The following LYST variants were observed in gnomAD, a reference collection of about 807,000 sequenced individuals.
LYST encodes the protein lysosomal-trafficking regulator.
In LYST, 192 loss-of-function variants were observed where a neutral mutation model predicts 413.6. The ratio of observed to expected loss-of-function variants is 0.46; its 90% CI spans 0.41 to 0.52. LYST has a LOEUF of 0.52. LYST is among the 20% of genes least tolerant of loss of function. The pLI is 0.00. For missense variants in LYST, 3,815 were observed against 4,499.9 expected, an observed-to-expected ratio of 0.85 and a Z score of 4.35; for synonymous variants, 1,525 against 1,567.3, an observed-to-expected ratio of 0.97 and a Z score of 0.64.
In LYST at chr1:235,804,554, G is replaced by A. The variant is rs1005473771; in HGVS notation, c.3505C>T (p.Leu1169Phe). ...TCAAAATCTGCTGAATAATTCCCGA[G>A]GGCAACTCGAAGCAGGGCATCAAAT... ...PLFDALLRVA[L>F]GNYSADFEHN... Residue 1169 changes from leucine to phenylalanine, a missense_variant, in exon 7 of 53, where the codon CTC (leucine) becomes TTC (phenylalanine). Transcript: ENST00000389793. The A allele has an allele frequency of 6.2e-7, 1 of 1,613,472 alleles. No individual in the cohort carries two copies. The highest frequency in any genetic ancestry group is 2.2e-5 in the East Asian group (1 of 44,862).
At chr1:235,773,470 C>A (rs1247532937) in intron 19 of LYST, among the ~76,000 whole-genome samples, 2 of 152,078 alleles carry the variant, frequency 1.3e-5, no homozygotes, top group African/African-American at 4.8e-5. Flanking sequence ...ATTATTCATT[C>A]TTAAAAAGGA....
chr1:235,843,267 TTTAATAGATATTTA>T (rs1420673300), intron 1 of LYST, among the ~76,000 whole-genome samples: 1 of 152,162 alleles, frequency 6.6e-6, no homozygotes, highest in South Asian at 2.1e-4. Context: ...AAGTAAATAT[TTTAATAGATATTTA>T]TTAATATGCT....
rs1188072059 is a variant in LYST at position 235,712,157 on chromosome 1, T to G, written c.9825A>C (p.Thr3275=). Residue 3275 remains threonine, a synonymous_variant, in exon 43 of 53, where the codon ACA becomes ACC. Transcript: ENST00000389793. ...FDIPDRTFHS[T]NTTWRLSSFE... is the part of the protein sequence containing the mutation. ...AAGATGAGAGTCGCCAAGTTGTATT[T>G]GTAGAATGAAAAGTTCTGTCTGGAA... 4 of 1,584,736 alleles carry G rather than the reference T, an allele frequency of 2.5e-6. No homozygotes were observed. The highest frequency in any genetic ancestry group is 3.4e-6 in the Non-Finnish European group (4 of 1,161,510).
Position 235,759,466 on chromosome 1 carries a change from G to A in LYST, c.6387C>T (p.Ile2129=), listed in dbSNP as rs1558201480. 2 of 1,613,882 alleles carry A rather than the reference G, an allele frequency of 1.2e-6. No individual in the cohort carries two copies. The highest frequency in any genetic ancestry group is 1.1e-5 in the South Asian group (1 of 91,082). Residue 2129 remains isoleucine (I), a synonymous_variant, in exon 23 of 53, where the codon ATC becomes ATT. Coordinates refer to ENST00000389793, the MANE Select transcript of LYST (RefSeq NM_000081.4). ...TATCTGCAATATTTTGTAACCTGTC[G>A]ATACTACAACCCAAACTTCCAGTCA... ...QKLTGSLGCS[I]DRLQNIADTY... is the part of the protein sequence containing the mutation.
At chr1:235,738,677 G>A in intron 31 of LYST, 2 of 1,607,260 alleles carry the variant, frequency 1.2e-6, no homozygotes, top group Middle Eastern at 1.7e-4. Context: ...ATAAGGAACA[G>A]TGGAAAGAGG....
At chr1:235,697,040 C>G in intron 46 of LYST, 43 bp downstream of exon 46, 1 of 1,573,178 alleles carries the variant, frequency 6.4e-7, no homozygotes, top group Non-Finnish European at 8.7e-7. Flanking sequence ...TCAAATCTCA[C>G]GAAAGATATA....
intron 47 of LYST, among the ~76,000 whole-genome samples, chr1:235,687,307 T>C (rs1357192763): frequency 1.3e-5 from 2 of 152,200 alleles, no homozygotes; most frequent in African/African-American, 4.8e-5. Flanking sequence ...TATACGTGCC[T>C]GTGTGTGGAT....
intron 10 of LYST, among the ~76,000 whole-genome samples, chr1:235,798,425 T>C (rs746535884): frequency 1.3e-5 from 2 of 151,270 alleles, no homozygotes; most frequent in Non-Finnish European, 2.9e-5. Flanking sequence ...ATAATATCTG[T>C]TCAATTTCTC....
intron 48 of LYST, among the ~76,000 whole-genome samples, chr1:235,678,191 A>C (rs1659538233): frequency 6.6e-6 from 1 of 152,170 alleles, no homozygotes; most frequent in Admixed American, 6.5e-5. Flanking sequence ...ATGGTGGCTC[A>C]TGCCTGTAAT....
chr1:235,692,610 C>T (rs2103073171), intron 47 of LYST, among the ~76,000 whole-genome samples: 1 of 152,078 alleles, frequency 6.6e-6, no homozygotes, highest in South Asian at 2.1e-4. Context: ...TCTTGAACTC[C>T]TGACCTCAGG....
At chr1:235,775,864 A>G (rs1448735219) in intron 17 of LYST, among the ~76,000 whole-genome samples, 1 of 152,172 alleles carries the variant, frequency 6.6e-6, no homozygotes, top group Non-Finnish European at 1.5e-5. Context: ...TATGCATGTA[A>G]GGATTTTAAG....
chr1:235,713,423 G>A (rs976402913), intron 42 of LYST, among the ~76,000 whole-genome samples: 4 of 152,192 alleles, frequency 2.6e-5, no homozygotes, highest in African/African-American at 9.6e-5. Flanking sequence ...AGCACATTGG[G>A]TAGGTTCTGT....
intron 38 of LYST, 35 bp from the exon 39 acceptor site, chr1:235,724,215 A>G: frequency 1.3e-6 from 2 of 1,550,394 alleles, no homozygotes; most frequent in Non-Finnish European, 1.8e-6. Context: ...TATTTGTTTT[A>G]CCGGAAATAT....
chr1:235,683,163 T>G (rs1659954742), intron 48 of LYST, among the ~76,000 whole-genome samples: 1 of 152,250 alleles, frequency 6.6e-6, no homozygotes, highest in Non-Finnish European at 1.5e-5. Context: ...AACTCTGCAC[T>G]TTGAAATAAC....
Position 235,811,671 on chromosome 1 carries a change from T to C in LYST, c.284-1137A>G, listed in dbSNP as rs574251996. Among the ~76,000 whole-genome samples, 26 of 152,256 alleles carry C rather than the reference T, an allele frequency of 1.7e-4. No individual in the cohort carries two copies. The South Asian group carries it at 4.6e-3, about 27-fold the overall frequency. On this transcript the variant is annotated intron_variant, in intron 4 of 52. Transcript: ENST00000389793. ...GAGCTATATAAAAAAGTAGCTGTAA[T>C]TTAGAGTGAATAAATTAAAATCTGT...
intron 48 of LYST, among the ~76,000 whole-genome samples, chr1:235,682,071 G>C (rs1659860546): frequency 6.6e-6 from 1 of 152,186 alleles, no homozygotes; most frequent in African/African-American, 2.4e-5. Context: ...AGCACTTTGG[G>C]AGGCTGAGGC....
intron 37 of LYST, among the ~76,000 whole-genome samples, chr1:235,728,848 G>A (rs1450564645): frequency 2.6e-5 from 4 of 152,150 alleles, no homozygotes; most frequent in African/African-American, 9.7e-5. Flanking sequence ...GACCTTGGAG[G>A]CTATAGCTTA....
chr1:235,670,553 A>G (rs1658854420), intron 50 of LYST, among the ~76,000 whole-genome samples: 1 of 152,158 alleles, frequency 6.6e-6, no homozygotes, highest in Admixed American at 6.5e-5. Flanking sequence ...AGGGATTGAG[A>G]CCCACCAGCA....
chr1:235,765,961 C>T, intron 21 of LYST, 118 bp downstream of exon 21: 1 of 844,670 alleles, frequency 1.2e-6, no homozygotes, highest in Non-Finnish European at 2.1e-6. Context: ...TATCCCAACC[C>T]CAATATGTAA....
Sources: gnomAD v4.1 joint callset for allele counts (sites outside exome capture counted in the v4.1 genomes callset) on GRCh38, gnomAD v4.1.1 for gene constraint, MANE v1.5 for transcripts, NCBI Gene and HGNC (gene_info 2026-07-23, HGNC 2026-07-21) for gene names.